Variants in STARD8 observed in about 807,000 individuals in gnomAD.
STARD8 encodes the protein stAR-related lipid transfer protein 8.
Under a neutral mutation model 69.4 loss-of-function variants are expected in STARD8, and 25 were observed. The observed-to-expected ratio is 0.36, with a 90% CI of 0.26 to 0.50. The LOEUF is 0.50. STARD8 is among the 20% of genes least tolerant of loss of function. The pLI is 0.96. For missense variants in STARD8, 921 were observed against 932.5 expected (o/e 0.99, Z 0.16); for synonymous variants, 389 against 374.6 (o/e 1.04, Z -0.45).
chrX:68,653,147 AC>A (rs2079574977), intron 1 of STARD8, among the ~76,000 whole-genome samples: 1 of 50,479 alleles, frequency 2.0e-5, no homozygotes. Flanking sequence ...CACCACACAC[AC>A]CACACCAAAC....
chrX:68,677,077 T>C (rs912891060), intron 2 of STARD8, among the ~76,000 whole-genome samples: 3 of 110,532 alleles, frequency 2.7e-5, no homozygotes, highest in African/African-American at 9.9e-5. Context: ...GCCTGGGAGG[T>C]TGAGGCTGCA....
chrX:68,650,516 T>C (rs2079541576), intron 1 of STARD8, among the ~76,000 whole-genome samples: 1 of 95,341 alleles, frequency 1.0e-5, no homozygotes, highest in African/African-American at 4.1e-5. Context: ...GGAGGAGGAA[T>C]AGTAATTATA....
chrX:68,721,576 C>G lies in STARD8; in HGVS notation c.2289C>G (p.Ala763=), dbSNP rs747730147. Residue 763 remains alanine (A), a synonymous_variant, in exon 10 of 15, where the codon GCC becomes GCG. Coordinates refer to ENST00000374599, the MANE Select transcript of STARD8 (RefSeq NM_001142503.3). ...AGTGGTTGGCAGCAGCACAAGCCGC[C>G]ACCTTGCTGCTCCCCGATGAGAACC... ...KDQWLAAAQA[A]TLLLPDENRE... 3 of 1,210,526 alleles carry G rather than the reference C, an allele frequency of 2.5e-6. No homozygotes were observed. In the African/African-American group the frequency reaches 5.2e-5, roughly 21 times the overall value.
Position 68,724,338 on chromosome X carries a change from T to C in STARD8, c.3228T>C (p.Phe1076=). The C allele has an allele frequency of 1.7e-6, 2 of 1,209,832 alleles. No homozygotes were observed. Among genetic ancestry groups the C allele is most frequent in the Non-Finnish European group, 2.2e-6 (2 of 894,493 alleles). The change falls in exon 15 of 15, where the codon TTT becomes TTC. Residue 1076 remains phenylalanine (F), a synonymous_variant. Coordinates refer to ENST00000374599, the MANE Select transcript of STARD8 (RefSeq NM_001142503.3). The stretch of plus-strand genomic sequence containing the variant: ...CTCCTGACTGGTACAACAAAGTCTT[T>C]GGACACCTGTGTGCCATGGAAGTGG... ...GRSPDWYNKV[F]GHLCAMEVAK...
chrX:68,672,712 CG>C (rs200414510), intron 2 of STARD8, among the ~76,000 whole-genome samples: 4,071 of 107,294 alleles, frequency 0.038, 229 homozygotes, highest in African/African-American at 0.14. Flanking sequence ...ATTCAAACAG[CG>C]CCCCACCCCC....
At chrX:68,723,420 C>T (rs1415385592) in intron 12 of STARD8, among the ~76,000 whole-genome samples, 4 of 112,677 alleles carry the variant, frequency 3.5e-5, no homozygotes, top group African/African-American at 9.7e-5. Flanking sequence ...TGCTGTCTAA[C>T]AGACTGAAAA....
chrX:68,654,337 A>T (rs1018531368), intron 1 of STARD8, among the ~76,000 whole-genome samples: 2 of 111,497 alleles, frequency 1.8e-5, no homozygotes, highest in Non-Finnish European at 3.8e-5. Flanking sequence ...GTCTCTACAC[A>T]TGCCACACAC....
chrX:68,701,453 C>T (rs751349742), intron 2 of STARD8, among the ~76,000 whole-genome samples: 1 of 112,822 alleles, frequency 8.9e-6, no homozygotes, highest in South Asian at 3.7e-4. Flanking sequence ...GTTCGGGTCT[C>T]CTTCCCCACC....
At chrX:68,656,178 C>T (rs748782895) in intron 1 of STARD8, 4 of 112,374 alleles carry the variant, frequency 3.6e-5, no homozygotes, top group East Asian at 5.6e-4. Flanking sequence ...CCACAACTTG[C>T]TAGCTGTGTT....
chrX:68,722,132 A>G lies in STARD8; in HGVS notation c.2545A>G (p.Met849Val). Residue 849 changes from methionine (M) to valine (V), a missense_variant, in exon 11 of 15, where the codon ATG (methionine) becomes GTG (valine). Physicochemically the swap from Met to Val is conservative, Grantham distance 21. Coordinates refer to ENST00000374599, the MANE Select transcript of STARD8 (RefSeq NM_001142503.3). ...GGCAGCCACCCAGGGCCTGTCGCACATGATCAGTGACTGCAAGAAACTTTT... is the reference window on the plus strand; with the variant it reads ...GGCAGCCACCCAGGGCCTGTCGCACGTGATCAGTGACTGCAAGAAACTTTT... ...NMAATQGLSHMISDCKKLFQV... is the reference protein window; with the variant it reads ...NMAATQGLSHVISDCKKLFQV... 3 of 1,206,111 alleles carry G rather than the reference A, an allele frequency of 2.5e-6. No homozygotes were observed. The highest frequency in any genetic ancestry group is 3.0e-5 in the East Asian group (1 of 33,656).
chrX:68,723,782 C>A lies in STARD8; in HGVS notation c.2956C>A (p.Leu986Met). Residue 986 changes from leucine to methionine, a missense_variant, in exon 13 of 15, where the codon CTG (leucine) becomes ATG (methionine). Coordinates refer to ENST00000374599, the MANE Select transcript of STARD8 (RefSeq NM_001142503.3). ...VLEALMPGVE[L>M]YHYVTDSMAP... is the part of the protein sequence containing the mutation. The stretch of plus-strand genomic sequence containing the variant: ...GGAAGCCCTGATGCCGGGTGTGGAG[C>A]TGTACCACTATGTCACCGACAGCAT... The A allele has an allele frequency of 8.5e-7, 1 of 1,180,686 alleles. No homozygotes were observed. The highest frequency in any genetic ancestry group is 1.1e-6 in the Non-Finnish European group (1 of 879,880).
rs776259898 is a variant in STARD8, at chrX:68,721,749, G to T, written c.2459+3G>T. ...AAGAAGGATAGCCCCTCTCCCAGGT[G>T]AAATGGTGCACGGCATGTCAGGGCC... On this transcript the variant is annotated splice_donor_region_variant and intron_variant, in intron 10 of 14. Transcript: ENST00000374599. 8 of 1,208,312 alleles carry T rather than the reference G, an allele frequency of 6.6e-6. No homozygotes were observed. The highest frequency in any genetic ancestry group is 9.0e-6 in the Non-Finnish European group (8 of 893,023).
chrX:68,720,719 A>G (rs1436026501), intron 8 of STARD8, among the ~76,000 whole-genome samples: 8 of 112,436 alleles, frequency 7.1e-5, no homozygotes, highest in Non-Finnish European at 1.3e-4. Context: ...CCACAAAAGC[A>G]TCTTTTTTCT....
intron 2 of STARD8, among the ~76,000 whole-genome samples, chrX:68,672,571 A>G (rs999407483): frequency 1.8e-5 from 2 of 112,292 alleles, no homozygotes; most frequent in Non-Finnish European, 3.8e-5. Flanking sequence ...ATGGCTCCCA[A>G]GCCTTGGTCT....
At chrX:68,667,762 C>A (rs772311001) in intron 2 of STARD8, among the ~76,000 whole-genome samples, 1 of 110,769 alleles carries the variant, frequency 9.0e-6, no homozygotes, top group African/African-American at 3.3e-5. Flanking sequence ...GCAGGAATCT[C>A]GGGGCAGGAA....
rs369284829 is a variant in STARD8 at position 68,717,918 on chromosome X, G to A, written c.1004G>A (p.Arg335Gln). Residue 335 changes from arginine (R) to glutamine (Q), a missense_variant, in exon 6 of 15, where the codon CGG becomes CAG. Coordinates refer to ENST00000374599, the MANE Select transcript of STARD8 (RefSeq NM_001142503.3). ...HRLADWQPGR[R>Q]WGCEGRRGSC... is the part of the protein sequence containing the mutation. The stretch of plus-strand genomic sequence containing the variant: ...CTGGCAGACTGGCAGCCAGGTAGGC[G>A]GTGGGGCTGTGAGGGGCGCCGGGGC... 2.1e-4 allele frequency: 256 copies of A among 1,207,215 alleles called. No individual in the cohort carries two copies. The South Asian group carries it at 3.0e-3, about 14-fold the overall frequency.
chrX:68,689,299 T>TGGG (rs1216839688), intron 2 of STARD8, among the ~76,000 whole-genome samples: 6 of 102,920 alleles, frequency 5.8e-5, no homozygotes, highest in South Asian at 9.7e-4. Context: ...GAGGCGTTAG[T>TGGG]GGGGTGCTCC....
Position 68,722,732 on chromosome X carries a change from C to T in STARD8, c.2799+86C>T, listed in dbSNP as rs186220552. On this transcript the variant is annotated intron_variant, in intron 12 of 14. Transcript: ENST00000374599. ...AGTCAGAGAACCCAAAGGAAGGAGCCGGGGAGGAGCTGCCGCCTGAGTCTC... is the reference window on the plus strand; with the variant it reads ...AGTCAGAGAACCCAAAGGAAGGAGCTGGGGAGGAGCTGCCGCCTGAGTCTC... 3,784 of 946,824 alleles carry T rather than the reference C, an allele frequency of 4.0e-3. 5 individuals carry two copies. The highest frequency in any genetic ancestry group is 5.2e-3 in the Non-Finnish European group (3,572 of 685,702). The allele number at this position is 946,824 out of a possible 1,213,427, so 78.0% of individuals were successfully genotyped here. A position where few individuals can be genotyped will look rare whatever the true frequency, so the allele number is the denominator to read the frequency against.
At chrX:68,683,002 A>G (rs2079809859) in intron 2 of STARD8, among the ~76,000 whole-genome samples, 1 of 112,413 alleles carries the variant, frequency 8.9e-6, no homozygotes, top group African/African-American at 3.2e-5. Context: ...TAGGCCCAAG[A>G]GACTGCCACC....
Sources: allele counts gnomAD v4.1 joint callset (sites outside exome capture counted in the v4.1 genomes callset), GRCh38; gene constraint gnomAD v4.1.1; transcripts MANE v1.5; gene names NCBI Gene and HGNC (gene_info 2026-07-23, HGNC 2026-07-21).